The following CTPS1 variants were observed in gnomAD, a reference collection of about 807,000 sequenced individuals.
The protein encoded by CTPS1 is CTP synthetase 1.
Under a neutral mutation model 80.5 loss-of-function variants are expected in CTPS1, and 25 were observed. The observed-to-expected ratio is 0.31, with a 90% CI of 0.23 to 0.43. The LOEUF is 0.43. CTPS1 is among the 20% of genes least tolerant of loss of function. The pLI, the probability that CTPS1 is intolerant of heterozygous loss-of-function variation, is 1.00. For synonymous variants in CTPS1, 267 were observed against 252.5 expected (o/e 1.06, Z -0.54); for missense variants, 442 against 725.7 (o/e 0.61, Z 4.49).
At chr1:41,004,081 A>C (rs1283345339) in intron 12 of CTPS1, 3 of 152,256 alleles carry the variant, frequency 2.0e-5, no homozygotes, top group Non-Finnish European at 4.4e-5. Flanking sequence ...CCAAGCCCCG[A>C]GCCGGCAGGG....
At chr1:41,000,544 CG>C (rs1328445421) in intron 9 of CTPS1, among the ~76,000 whole-genome samples, 7 of 152,048 alleles carry the variant, frequency 4.6e-5, no homozygotes, top group Non-Finnish European at 8.8e-5. Flanking sequence ...TGAGCCACCA[CG>C]CCCGGCTCAT....
chr1:40,991,949 T>A, intron 7 of CTPS1, 104 bp downstream of exon 7: 1 of 880,654 alleles, frequency 1.1e-6, no homozygotes. Flanking sequence ...TTAGAGATAG[T>A]GGGCTGTTCC....
At chr1:40,980,482 GTCCACGCTCGTTACAGTTTCGAA>G (rs1016099341) in intron 1 of CTPS1, 5 of 152,156 alleles carry the variant, frequency 3.3e-5, no homozygotes, top group African/African-American at 9.7e-5. Flanking sequence ...GCGCCCTTCC[GTCCACGCTCGTTACAGTTTCGAA>G]TCCTCAGCGG....
chr1:40,993,774 C>CTTTTTTTTTTTTTTTT (rs71278720), intron 7 of CTPS1, among the ~76,000 whole-genome samples: 3 of 85,772 alleles, frequency 3.5e-5, no homozygotes, highest in Non-Finnish European at 6.7e-5. Context: ...TTTCTTCTCT[C>CTTTTTTTTTTTTTTTT]TTTTTTTTTT....
Position 41,007,692 on chromosome 1 carries a change from A to G in CTPS1, c.1393+147A>G. The G allele has an allele frequency of 1.5e-6, 1 of 655,144 alleles. No individual in the cohort carries two copies. The highest frequency in any genetic ancestry group is 1.8e-5 in the South Asian group (1 of 55,438). The allele number at this position is 655,144 out of a possible 1,614,324, so 40.6% of individuals were successfully genotyped here. A position where few individuals can be genotyped will look rare whatever the true frequency, so the allele number is the denominator to read the frequency against. ...GTTCATTCTTTCCTCTCTTATTCAT[A>G]CCCTTTTAGGATGCACTGTGATAGC... On this transcript the variant is annotated intron_variant, in intron 14 of 18. Coordinates refer to ENST00000650070, the MANE Select transcript of CTPS1 (RefSeq NM_001905.4). This position sits in a 1 kb window ranked among gnomAD's most constrained non-coding sequence, Gnocchi z 4.4.
chr1:41,008,821 G>A lies in CTPS1; in HGVS notation c.1477G>A (p.Glu493Lys). ...GAATCCAGTCTGGAAAAAGTGTTTG[G>A]AAGAACAAGGCTTGAAGTTTGTTGG... ...EVNPVWKKCL[E>K]EQGLKFVGQD... The change falls in exon 16 of 19, where the codon GAA becomes AAA. Residue 493 changes from glutamate to lysine, a missense_variant. Physicochemically the swap from Glu to Lys is moderately conservative, Grantham distance 56 (BLOSUM62 1). Transcript: ENST00000650070. 6.2e-7 allele frequency: 1 copy of A among 1,614,176 alleles called. No homozygotes were observed. Among genetic ancestry groups the A allele is most frequent in the Non-Finnish European group, 8.5e-7 (1 of 1,180,028 alleles).
At chr1:40,995,279 T>G (rs1173282561) in intron 7 of CTPS1, among the ~76,000 whole-genome samples, 1 of 152,134 alleles carries the variant, frequency 6.6e-6, no homozygotes, top group East Asian at 1.9e-4. Flanking sequence ...AGTACAGTGA[T>G]GCGATCTTGG....
intron 1 of CTPS1, chr1:40,981,959 C>G (rs892610097): frequency 7.8e-7 from 1 of 1,285,368 alleles, no homozygotes; most frequent in Non-Finnish European, 1.0e-6. Flanking sequence ...TCACATGGAA[C>G]GTTCCTGAGG....
intron 18 of CTPS1, 83 bp downstream of exon 18, chr1:41,010,337 C>A: frequency 1.0e-6 from 1 of 995,954 alleles, no homozygotes; most frequent in Non-Finnish European, 1.5e-6. Flanking sequence ...AAGTTTAGGG[C>A]TGAAAATTTT....
intron 5 of CTPS1, among the ~76,000 whole-genome samples, chr1:40,989,331 A>C (rs2148395107): frequency 6.6e-6 from 1 of 152,364 alleles, no homozygotes; most frequent in African/African-American, 2.4e-5. Flanking sequence ...AGTTGAGGGC[A>C]GTAACACTGG....
chr1:40,988,757 G>T, intron 5 of CTPS1, 47 bp downstream of exon 5: 1 of 1,242,940 alleles, frequency 8.0e-7, no homozygotes, highest in South Asian at 1.2e-5. Flanking sequence ...TGGAGAGGAG[G>T]GAGGAAAGGT....
chr1:41,002,299 G>T, intron 11 of CTPS1, 45 bp downstream of exon 11: 1 of 1,498,952 alleles, frequency 6.7e-7, no homozygotes, highest in East Asian at 2.3e-5. Context: ...GTAGGAAAGA[G>T]TGGGGAACGG....
At chr1:40,991,004 T>TA (rs1478589599) in intron 5 of CTPS1, among the ~76,000 whole-genome samples, 161 bp from the exon 6 acceptor site, 1 of 152,184 alleles carries the variant, frequency 6.6e-6, no homozygotes. Context: ...CATTTGATTC[T>TA]AAAATGCATG....
intron 13 of CTPS1, among the ~76,000 whole-genome samples, chr1:41,006,547 T>C (rs1254736490): frequency 1.3e-5 from 2 of 152,202 alleles, no homozygotes; most frequent in African/African-American, 4.8e-5. Context: ...GGCTTAACCG[T>C]ATCCAAAGAT....
At chr1:41,003,258 A>G (rs1642952161) in intron 12 of CTPS1, 82 bp downstream of exon 12, 2 of 1,507,470 alleles carry the variant, frequency 1.3e-6, no homozygotes, top group African/African-American at 1.4e-5. Flanking sequence ...CTGGGTGATC[A>G]GGAGCTTTGG....
intron 1 of CTPS1, 161 bp from the exon 2 acceptor site, chr1:40,983,117 T>C (rs1642361079): frequency 1.9e-6 from 1 of 534,188 alleles, no homozygotes; most frequent in South Asian, 3.3e-5. Context: ...TTTGTTTTGA[T>C]CCTATTTAAA....
At chr1:40,991,718 C>G in intron 6 of CTPS1, 47 bp from the exon 7 acceptor site, 1 of 1,360,366 alleles carries the variant, frequency 7.4e-7, no homozygotes. Flanking sequence ...ACCCCTACTT[C>G]TGTCATTTTT....
chr1:40,994,001 ACTC>A (rs1642687204), intron 7 of CTPS1, among the ~76,000 whole-genome samples: 1 of 151,684 alleles, frequency 6.6e-6, no homozygotes, highest in Admixed American at 6.6e-5. Flanking sequence ...CTGGTTGCGA[ACTC>A]CTGACCTCAG....
intron 7 of CTPS1, among the ~76,000 whole-genome samples, chr1:40,993,865 G>A (rs1340977047): frequency 7.8e-6 from 1 of 128,290 alleles, no homozygotes; most frequent in East Asian, 2.4e-4. Context: ...TGCCATCTCT[G>A]TCTCCCGTGT....
Sources: gnomAD v4.1 joint callset for allele counts (sites outside exome capture counted in the v4.1 genomes callset) on GRCh38, gnomAD v4.1.1 for gene constraint, Gnocchi (gnomAD v3.1) non-coding constraint, MANE v1.5 for transcripts, NCBI Gene and HGNC (gene_info 2026-07-23, HGNC 2026-07-21) for gene names.